FIP1L1: variants seen among roughly 807,000 people sequenced by gnomAD.
The protein encoded by FIP1L1 is factor interacting with PAPOLA and CPSF1.
Under a neutral mutation model 84.6 loss-of-function variants are expected in FIP1L1, and 21 were observed. The ratio of observed to expected loss-of-function variants is 0.25; its 90% confidence interval spans 0.18 to 0.36. The LOEUF (loss-of-function observed/expected upper bound fraction) is 0.36. Among genes scored for constraint, FIP1L1 ranks in the 10% least tolerant of loss-of-function variants. The pLI, the probability that FIP1L1 is intolerant of heterozygous loss-of-function variation, is 1.00. For synonymous variants in FIP1L1, 263 were observed against 242.3 expected (o/e 1.09, Z -0.80); for missense variants, 526 against 751.1 (o/e 0.70, Z 3.50).
chr4:53,428,207 A>G (rs578214923), intron 13 of FIP1L1, 24 bp downstream of exon 13: 1 of 1,503,710 alleles, frequency 6.7e-7, no homozygotes, highest in Admixed American at 2.1e-5. Flanking sequence ...AAGACATTTG[A>G]CTTTGAAAGA....
intron 10 of FIP1L1, among the ~76,000 whole-genome samples, chr4:53,400,830 A>C (rs1186419133): frequency 6.6e-6 from 1 of 152,240 alleles, no homozygotes; most frequent in African/African-American, 2.4e-5. Context: ...TTTGGTTTTA[A>C]AGAATTTATG....
chr4:53,414,798 A>G, intron 11 of FIP1L1, 76 bp downstream of exon 11: 1 of 962,084 alleles, frequency 1.0e-6, no homozygotes. Context: ...TAGTAAGATA[A>G]TAAATTTTGA....
rs760139823 is a variant in FIP1L1 at position 53,458,733 on chromosome 4, G to A, written c.1580G>A (p.Arg527Gln). The change falls in exon 17 of 18, where the codon CGA (arginine) becomes CAA (glutamine). Residue 527 changes from arginine to glutamine, a missense_variant. Around this residue, in one of 6 missense-constraint regions of FIP1L1, gnomAD observed 89 missense variants for 169.0 expected, o/e 0.53. Transcript: ENST00000337488. ...RHRASREKEERHRERRHREKE... is the reference protein window; with the variant it reads ...RHRASREKEEQHRERRHREKE... ...AGAGCAAGTCGAGAAAAAGAAGAAC[G>A]ACATAGAGAAAGACGACACAGGGAG... The A allele has an allele frequency of 6.2e-7, 1 of 1,613,140 alleles. No individual in the cohort carries two copies. Among genetic ancestry groups the A allele is most frequent in the East Asian group, 2.2e-5 (1 of 44,816 alleles).
chr4:53,420,377 T>C (rs1761880236), intron 11 of FIP1L1, among the ~76,000 whole-genome samples: 1 of 141,514 alleles, frequency 7.1e-6, no homozygotes, highest in Non-Finnish European at 1.5e-5. Flanking sequence ...TGTGGTGAGC[T>C]GAGATCGTGC....
intron 12 of FIP1L1, 63 bp from the exon 13 acceptor site, chr4:53,427,964 T>G: frequency 7.8e-7 from 1 of 1,288,218 alleles, no homozygotes; most frequent in Non-Finnish European, 1.1e-6. Flanking sequence ...TGAAATTAAT[T>G]TACTAAGATT....
intron 11 of FIP1L1, among the ~76,000 whole-genome samples, chr4:53,424,714 C>T (rs1003450422): frequency 1.3e-5 from 2 of 152,010 alleles, no homozygotes; most frequent in Admixed American, 6.6e-5. Flanking sequence ...CTCTTACTAA[C>T]TCATGATTTC....
chr4:53,401,907 TAAATG>T (rs751519249), intron 10 of FIP1L1, among the ~76,000 whole-genome samples: 1 of 152,180 alleles, frequency 6.6e-6, no homozygotes, highest in Admixed American at 6.5e-5. Flanking sequence ...TAATATTACT[TAAATG>T]AAACTACAAA....
intron 3 of FIP1L1, among the ~76,000 whole-genome samples, chr4:53,381,559 A>T (rs1447861173): frequency 6.6e-6 from 1 of 152,090 alleles, no homozygotes; most frequent in Non-Finnish European, 1.5e-5. Flanking sequence ...TATAACAGTT[A>T]TGTTTTGACT....
At chr4:53,450,815 A>G (rs75610014) in intron 15 of FIP1L1, among the ~76,000 whole-genome samples, 5,425 of 152,240 alleles carry the variant, frequency 0.036, 129 homozygotes, top group Non-Finnish European at 0.054. Context: ...TTTACTTTCT[A>G]AAACTTAAGG....
intron 13 of FIP1L1, among the ~76,000 whole-genome samples, chr4:53,429,846 G>A (rs953897339): frequency 2.6e-5 from 4 of 151,966 alleles, no homozygotes; most frequent in African/African-American, 9.7e-5. Context: ...TGAAATATAC[G>A]GTTATTAATT....
At chr4:53,398,904 C>T (rs1270969507) in intron 9 of FIP1L1, among the ~76,000 whole-genome samples, 1 of 152,138 alleles carries the variant, frequency 6.6e-6, no homozygotes, top group East Asian at 1.9e-4. Flanking sequence ...GTAATTCCAG[C>T]ACTTTGGGAG....
rs34458530 is a variant in FIP1L1, at chr4:53,404,010, C to CTTT, written c.815+4181_815+4183dup. Among the ~76,000 whole-genome samples, 211 of 149,058 alleles carry CTTT rather than the reference C, an allele frequency of 1.4e-3. 1 individual carries two copies. The highest frequency in any genetic ancestry group is 3.5e-3 in the Middle Eastern group (1 of 284). On this transcript the variant is annotated intron_variant, in intron 10 of 17. Coordinates refer to ENST00000337488, the MANE Select transcript of FIP1L1 (RefSeq NM_030917.4). ...ATCTCCAGTCATCGTATAAAATGCA[C>CTTT]TTTTTTTTTTTTATTATACTTTAAG...
intron 4 of FIP1L1, among the ~76,000 whole-genome samples, chr4:53,383,016 G>A (rs1230609171): frequency 4.0e-5 from 6 of 148,978 alleles, no homozygotes; most frequent in Non-Finnish European, 3.0e-5. Context: ...TTATGCTTTG[G>A]GGTTTTTTTT....
chr4:53,382,435 ATC>A, intron 4 of FIP1L1, 100 bp downstream of exon 4: 1 of 843,104 alleles, frequency 1.2e-6, no homozygotes, highest in Non-Finnish European at 2.0e-6. Context: ...TACCTTCAGT[ATC>A]AGGTGTTATC....
chr4:53,404,161 T>TC (rs1252384152), intron 10 of FIP1L1, among the ~76,000 whole-genome samples: 1 of 62,232 alleles, frequency 1.6e-5, no homozygotes, highest in African/African-American at 6.7e-5. Context: ...CCCTCCCCCC[T>TC]CCCCCCACCC....
At chr4:53,388,883 T>C (rs1407271952) in intron 5 of FIP1L1, among the ~76,000 whole-genome samples, 1 of 152,230 alleles carries the variant, frequency 6.6e-6, no homozygotes, top group African/African-American at 2.4e-5. Flanking sequence ...ATACAAGTCT[T>C]AGGTGTTTTG....
intron 14 of FIP1L1, 83 bp from the exon 15 acceptor site, chr4:53,443,965 C>A: frequency 3.7e-6 from 3 of 821,834 alleles, no homozygotes; most frequent in Non-Finnish European, 5.7e-6. Flanking sequence ...TGTAATTTTG[C>A]CTTGTTTTTC....
intron 10 of FIP1L1, among the ~76,000 whole-genome samples, chr4:53,403,165 C>T (rs1255161455): frequency 2.6e-5 from 4 of 151,884 alleles, no homozygotes; most frequent in Non-Finnish European, 4.4e-5. Flanking sequence ...TCAAGAGAAA[C>T]CTTTTTTTTC....
chr4:53,443,892 C>A (rs1201039417), intron 14 of FIP1L1, among the ~76,000 whole-genome samples, 156 bp from the exon 15 acceptor site: 3 of 150,934 alleles, frequency 2.0e-5, no homozygotes, highest in Non-Finnish European at 4.4e-5. Flanking sequence ...TAAAAAAAAC[C>A]CCATGTTTTA....
Sources: gnomAD v4.1 joint callset for allele counts (sites outside exome capture counted in the v4.1 genomes callset) on GRCh38, gnomAD v4.1.1 for gene constraint, gnomAD v4.1.1 regional missense constraint, MANE v1.5 for transcripts, NCBI Gene and HGNC (gene_info 2026-07-23, HGNC 2026-07-21) for gene names.